The following CHUK variants were observed in gnomAD, a reference collection of about 807,000 sequenced individuals.
CHUK encodes the protein inhibitor of nuclear factor kappa-B kinase subunit alpha.
Under a neutral mutation model 104.8 loss-of-function variants are expected in CHUK, and 35 were observed. The ratio of observed to expected loss-of-function variants is 0.33; its 90% CI spans 0.26 to 0.44. The LOEUF is 0.44. Ranked by LOEUF, CHUK falls within the 20% of genes least tolerant of loss-of-function variation. The pLI is 1.00. For missense variants in CHUK, 663 were observed against 902.7 expected, an observed-to-expected ratio of 0.73 and a Z score of 3.40; for synonymous variants, 276 against 291.9, an observed-to-expected ratio of 0.95 and a Z score of 0.56.
rs1302984829 is a variant in CHUK at position 100,190,964 on chromosome 10, T to C, written c.2113A>G (p.Thr705Ala). ...SCVVTPQDGE[T>A]SAQMIEENLN... ...TTTTCTTCTATCATTTGTGCTGAAGTCTCCCTGTGAGATGAAAGAACAAAG... is the reference window on the plus strand; with the variant it reads ...TTTTCTTCTATCATTTGTGCTGAAGCCTCCCTGTGAGATGAAAGAACAAAG... The change falls in exon 20 of 21, where the codon ACT becomes GCT. Residue 705 changes from threonine (T) to alanine (A), a missense_variant. Transcript: ENST00000370397. The C allele has an allele frequency of 6.3e-7, 1 of 1,592,594 alleles. No individual in the cohort carries two copies. The highest frequency in any genetic ancestry group is 8.6e-7 in the Non-Finnish European group (1 of 1,160,412).
chr10:100,209,142 C>A (rs946961068), intron 10 of CHUK, among the ~76,000 whole-genome samples: 1 of 152,208 alleles, frequency 6.6e-6, no homozygotes, highest in African/African-American at 2.4e-5. Context: ...AGAAGTTAAT[C>A]ACTTATGTCT....
intron 20 of CHUK, chr10:100,189,980 C>T (rs1845157497): frequency 5.0e-6 from 1 of 201,006 alleles, no homozygotes; most frequent in Non-Finnish European, 1.0e-5. Flanking sequence ...CCTAGTAACT[C>T]GGACTACAGG....
At chr10:100,221,165 G>A (rs1045996434) in intron 4 of CHUK, among the ~76,000 whole-genome samples, 5 of 152,194 alleles carry the variant, frequency 3.3e-5, no homozygotes, top group African/African-American at 4.8e-5. Flanking sequence ...GGCTGGGTGC[G>A]GTGGCTCACG....
chr10:100,186,696 T>A (rs986833196), downstream of CHUK: 1 of 152,166 alleles, frequency 6.6e-6, no homozygotes, highest in Non-Finnish European at 1.5e-5. Flanking sequence ...CACTACATAT[T>A]CTGTTCGTTT....
chr10:100,219,011 G>C lies in CHUK; in HGVS notation c.686C>G (p.Thr229Ser). ...CAAGTTCTCATCCATTTCTTACCAGGTAAATGGCTGCAGATGATGCAAAAA... is the reference window on the plus strand; with the variant it reads ...CAAGTTCTCATCCATTTCTTACCAGCTAAATGGCTGCAGATGATGCAAAAA... Reference protein sequence around the residue: ...RPFLHHLQPFTWHEKIKKKDP... With the variant: ...RPFLHHLQPFSWHEKIKKKDP... Residue 229 changes from threonine (T) to serine (S), a missense_variant, in exon 7 of 21, where the codon ACC becomes AGC. This residue lies in a region of CHUK where 200 missense variants were observed against 333.0 expected (regional missense o/e 0.60). Coordinates refer to ENST00000370397, the MANE Select transcript of CHUK (RefSeq NM_001278.5). 1.9e-6 allele frequency: 3 copies of C among 1,613,816 alleles called. No homozygotes were observed. The highest frequency in any genetic ancestry group is 2.5e-6 in the Non-Finnish European group (3 of 1,179,852).
intron 1 of CHUK, 65 bp from the exon 2 acceptor site, chr10:100,226,082 A>T (rs762137112): frequency 5.2e-6 from 5 of 958,596 alleles, no homozygotes; most frequent in Non-Finnish European, 6.8e-6. Context: ...TTTGCTACCA[A>T]AGAAATAACT....
Position 100,203,227 on chromosome 10 carries a change from T to C in CHUK, c.1508-1078A>G, listed in dbSNP as rs1008781050. Among the ~76,000 whole-genome samples the C allele has an allele frequency of 1.9e-4, 29 of 152,300 alleles. 2 individuals are homozygous for C. Among genetic ancestry groups the C allele is most frequent in the Admixed American group, 5.9e-4 (9 of 15,302 alleles). On this transcript the variant is annotated intron_variant, in intron 13 of 20. Transcript: ENST00000370397. ...GCTCCCTCACAAGTGAAAACATCTG[T>C]ATACTCTTTATTTTTTCCCACAATT...
At chr10:100,191,977 GTATGGTGGC>G (rs1845216862) in intron 19 of CHUK, among the ~76,000 whole-genome samples, 1 of 152,112 alleles carries the variant, frequency 6.6e-6, no homozygotes, top group African/African-American at 2.4e-5. Context: ...AATTAGCCAG[GTATGGTGGC>G]ACGCACCTGA....
At position 100,194,450 on chromosome 10, in the gene CHUK, G is replaced by C; in HGVS notation, c.1801C>G (p.Leu601Val). The change falls in exon 17 of 21, where the codon CTC becomes GTC. Residue 601 changes from leucine to valine, a missense_variant. Physicochemically the swap from Leu to Val is conservative, Grantham distance 32 (BLOSUM62 1). Transcript: ENST00000370397. ...VHTVQSQDRV[L>V]KELFGHLSKL... ...CTCAAATGACCAAACAGCTCCTTGAGCACACGGTCCTGACTCTGCACAGTG... is the reference window on the plus strand; with the variant it reads ...CTCAAATGACCAAACAGCTCCTTGACCACACGGTCCTGACTCTGCACAGTG... 6.2e-7 allele frequency: 1 copy of C among 1,613,054 alleles called. No individual in the cohort carries two copies. Among genetic ancestry groups the C allele is most frequent in the Non-Finnish European group, 8.5e-7 (1 of 1,179,102 alleles).
At chr10:100,211,879 A>ATTT (rs56796436) in intron 9 of CHUK, among the ~76,000 whole-genome samples, 8 of 146,090 alleles carry the variant, frequency 5.5e-5, no homozygotes, top group African/African-American at 5.0e-5. Context: ...TTACAGTTCT[A>ATTT]TTTTTTTTTT....
chr10:100,191,789 C>T (rs1189514886), intron 19 of CHUK, among the ~76,000 whole-genome samples: 1 of 152,192 alleles, frequency 6.6e-6, no homozygotes, highest in African/African-American at 2.4e-5. Flanking sequence ...TAGTTAAGTA[C>T]CACAGGTACA....
chr10:100,220,514 CA>C, intron 5 of CHUK, 73 bp downstream of exon 5: 1 of 1,050,976 alleles, frequency 9.5e-7, no homozygotes. Context: ...GCAAAGACAC[CA>C]AAGCTCAAGG....
rs2134202211 is a variant in CHUK, at chr10:100,189,502, C to T, written c.*96G>A. On this transcript the variant is annotated 3_prime_UTR_variant, in exon 21 of 21. Transcript: ENST00000370397. Reference sequence around the variant, plus strand: ...TGTTCATAGCCATTTCTTCCATTGACTGATGTCTGAAGAATGGTTTCATGG... The same window carrying T: ...TGTTCATAGCCATTTCTTCCATTGATTGATGTCTGAAGAATGGTTTCATGG... The T allele has an allele frequency of 1.1e-6, 1 of 925,568 alleles. No homozygotes were observed. Among genetic ancestry groups the T allele is most frequent in the South Asian group, 1.3e-5 (1 of 76,868 alleles). The allele number at this position is 925,568 out of a possible 1,614,324, so 57.3% of individuals were successfully genotyped here.
intron 13 of CHUK, 94 bp downstream of exon 13, chr10:100,204,412 G>GT: frequency 1.1e-6 from 1 of 945,750 alleles, no homozygotes; most frequent in Non-Finnish European, 1.7e-6. Flanking sequence ...TAATGTGAAG[G>GT]TAAGTAAAAC....
intron 15 of CHUK, 101 bp downstream of exon 15, chr10:100,200,570 A>C: frequency 2.8e-6 from 2 of 725,718 alleles, no homozygotes; most frequent in Non-Finnish European, 5.0e-6. Flanking sequence ...GGAAAGGAAA[A>C]CTATAGAAAA....
chr10:100,201,117 A>G (rs1845451073), intron 14 of CHUK, among the ~76,000 whole-genome samples: 1 of 152,200 alleles, frequency 6.6e-6, no homozygotes, highest in Non-Finnish European at 1.5e-5. Flanking sequence ...TATTACTTGT[A>G]TCTTGGCTCT....
chr10:100,219,906 G>A (rs1475872052), intron 5 of CHUK, among the ~76,000 whole-genome samples: 1 of 151,094 alleles, frequency 6.6e-6, no homozygotes, highest in East Asian at 1.9e-4. Flanking sequence ...AAGAGAAGAG[G>A]CATCACCAAG....
chr10:100,212,522 T>C (rs943610786), intron 9 of CHUK, among the ~76,000 whole-genome samples: 7 of 152,232 alleles, frequency 4.6e-5, no homozygotes, highest in African/African-American at 1.7e-4. Context: ...CATGAGTTTC[T>C]TATAAATTTA....
At chr10:100,223,830 C>G (rs1846043582) in intron 2 of CHUK, among the ~76,000 whole-genome samples, 1 of 152,194 alleles carries the variant, frequency 6.6e-6, no homozygotes, top group Non-Finnish European at 1.5e-5. Flanking sequence ...TCAACTTCCT[C>G]ATTTGCAAAA....
Sources: gnomAD v4.1 joint callset for allele counts (sites outside exome capture counted in the v4.1 genomes callset) on GRCh38, gnomAD v4.1.1 for gene constraint, gnomAD v4.1.1 regional missense constraint, MANE v1.5 for transcripts, NCBI Gene and HGNC (gene_info 2026-07-23, HGNC 2026-07-21) for gene names.